Variants in CLIP4 observed in about 807,000 individuals in gnomAD.
The protein encoded by CLIP4 is CAP-Gly domain containing linker protein family member 4, also known as CAP-Gly domain-containing linker protein 4.
Under a neutral mutation model 73.1 loss-of-function variants are expected in CLIP4, and 47 were observed. That is an observed-to-expected ratio of 0.64 (90% CI 0.51 to 0.82). The LOEUF (loss-of-function observed/expected upper bound fraction) is 0.82. Among genes scored for constraint, CLIP4 ranks in the 40% least tolerant of loss-of-function variants. CLIP4 has a pLI of 0.00. For missense variants in CLIP4, 874 were observed against 852.9 expected, an observed-to-expected ratio of 1.02 and a Z score of -0.31; for synonymous variants, 306 against 295.4, an observed-to-expected ratio of 1.04 and a Z score of -0.37.
intron 6 of CLIP4, among the ~76,000 whole-genome samples, chr2:29,138,769 G>A (rs1665554517): frequency 6.6e-6 from 1 of 152,024 alleles, no homozygotes; most frequent in African/African-American, 2.4e-5. Context: ...TGTTGTAAAT[G>A]GAATTGTGTT....
chr2:29,116,835 C>G (rs1364047230), intron 1 of CLIP4, among the ~76,000 whole-genome samples: 1 of 152,164 alleles, frequency 6.6e-6, no homozygotes, highest in Non-Finnish European at 1.5e-5. Context: ...TTGTAGGATT[C>G]ATTTCAGACA....
At chr2:29,165,500 T>G (rs564103762) in intron 13 of CLIP4, among the ~76,000 whole-genome samples, 1 of 152,334 alleles carries the variant, frequency 6.6e-6, no homozygotes, top group Admixed American at 6.5e-5. Flanking sequence ...TCAGCATGTG[T>G]GCCCTTAACC....
intron 2 of CLIP4, among the ~76,000 whole-genome samples, chr2:29,126,348 G>C (rs1164503685): frequency 6.6e-6 from 1 of 152,108 alleles, no homozygotes; most frequent in Non-Finnish European, 1.5e-5. Flanking sequence ...CTCATTCTGG[G>C]TTATTCTGGC....
intron 11 of CLIP4, among the ~76,000 whole-genome samples, chr2:29,160,051 G>A (rs1240233287): frequency 6.6e-6 from 1 of 152,234 alleles, no homozygotes; most frequent in African/African-American, 2.4e-5. Flanking sequence ...TCTTGGAAGA[G>A]TTGGTAGTTT....
chr2:29,132,531 T>TA (rs1665050591), intron 4 of CLIP4: 4 of 345,728 alleles, frequency 1.2e-5, no homozygotes, highest in Non-Finnish European at 1.6e-5. Context: ...TCTGAGGGTT[T>TA]ATAACAAGGT....
At chr2:29,128,676 T>G (rs1051550475) in intron 2 of CLIP4, among the ~76,000 whole-genome samples, 7 of 152,192 alleles carry the variant, frequency 4.6e-5, no homozygotes, top group African/African-American at 1.7e-4. Context: ...TATTTTGATA[T>G]GAATGATAAT....
intron 15 of CLIP4, 123 bp from the exon 16 acceptor site, chr2:29,181,448 TA>T: frequency 1.4e-5 from 11 of 792,102 alleles, no homozygotes; most frequent in Non-Finnish European, 2.0e-5. Flanking sequence ...GTTGTGACCA[TA>T]AAGTATTCTC....
intron 15 of CLIP4, among the ~76,000 whole-genome samples, chr2:29,178,401 G>A (rs956888020): frequency 2.6e-5 from 4 of 151,978 alleles, no homozygotes; most frequent in South Asian, 2.1e-4. Flanking sequence ...GGCTGGTCTC[G>A]AATTCCTGAC....
At chr2:29,147,239 G>A (rs1016910113) in intron 8 of CLIP4, among the ~76,000 whole-genome samples, 2 of 151,930 alleles carry the variant, frequency 1.3e-5, no homozygotes, top group Non-Finnish European at 2.9e-5. Context: ...TTTTGTTGTA[G>A]TATAGGTATT....
chr2:29,181,060 CCAAAACT>C (rs1411499966), intron 15 of CLIP4, among the ~76,000 whole-genome samples: 6 of 152,076 alleles, frequency 3.9e-5, no homozygotes, highest in Non-Finnish European at 7.4e-5. Flanking sequence ...TTGGACTCCC[CCAAAACT>C]TAACTACTGA....
chr2:29,157,411 A>C, intron 11 of CLIP4, 64 bp downstream of exon 11: 3 of 1,613,014 alleles, frequency 1.9e-6, no homozygotes, highest in Non-Finnish European at 2.5e-6. Flanking sequence ...TTGTAAGTAG[A>C]TTTGCTCTTT....
chr2:29,157,500 C>T, intron 11 of CLIP4, 153 bp downstream of exon 11: 1 of 1,121,520 alleles, frequency 8.9e-7, no homozygotes, highest in Admixed American at 2.3e-5. Context: ...GAACCTTAAG[C>T]CTTAAGGTCT....
At chr2:29,164,402 G>A (rs1016606892) in intron 13 of CLIP4, among the ~76,000 whole-genome samples, 1 of 152,150 alleles carries the variant, frequency 6.6e-6, no homozygotes, top group African/African-American at 2.4e-5. Flanking sequence ...TTCAAAAATA[G>A]ATAGGCAGTA....
chr2:29,159,585 G>C (rs978172862), intron 11 of CLIP4, among the ~76,000 whole-genome samples: 1 of 150,940 alleles, frequency 6.6e-6, no homozygotes, highest in Non-Finnish European at 1.5e-5. Context: ...AGTGGCTCAT[G>C]CCTGTTATCT....
chr2:29,178,262 C>T (rs1668457410), intron 15 of CLIP4, among the ~76,000 whole-genome samples: 1 of 151,878 alleles, frequency 6.6e-6, no homozygotes, highest in African/African-American at 2.4e-5. Context: ...TCACTGCAAC[C>T]TCTGCCTCCT....
intron 14 of CLIP4, among the ~76,000 whole-genome samples, chr2:29,168,085 C>G (rs1217291892): frequency 6.6e-6 from 1 of 152,176 alleles, no homozygotes. Context: ...ATTGCATACT[C>G]TATCTGCCAT....
intron 1 of CLIP4, among the ~76,000 whole-genome samples, chr2:29,105,096 G>A (rs1327031215): frequency 6.6e-6 from 1 of 152,134 alleles, no homozygotes; most frequent in Non-Finnish European, 1.5e-5. Flanking sequence ...GGGTGTTATT[G>A]CTAGGCTGCA....
chr2:29,147,768 C>T (rs113846290), intron 8 of CLIP4, among the ~76,000 whole-genome samples: 1,555 of 152,278 alleles, frequency 0.01, 23 homozygotes, highest in East Asian at 0.05. Flanking sequence ...ATCTTCACCT[C>T]ACAGTGCTGC....
chr2:29,120,056 G>C (rs541186015), intron 1 of CLIP4, among the ~76,000 whole-genome samples: 1 of 152,104 alleles, frequency 6.6e-6, no homozygotes, highest in Non-Finnish European at 1.5e-5. Context: ...TAGTATTTGA[G>C]GAAGATCACC....
Sources: gnomAD v4.1 joint callset for allele counts (sites outside exome capture counted in the v4.1 genomes callset) on GRCh38, gnomAD v4.1.1 for gene constraint, MANE v1.5 for transcripts, NCBI Gene and HGNC (gene_info 2026-07-23, HGNC 2026-07-21) for gene names.